Variants in MMP16 observed in about 807,000 individuals in gnomAD.
MMP16 encodes the protein matrix metallopeptidase 16, also known as matrix metalloproteinase-16.
A neutral mutation model predicts 67.8 loss-of-function variants in MMP16; 12 were observed. The observed-to-expected ratio is 0.18, with a 90% confidence interval of 0.11 to 0.29. MMP16 has a LOEUF of 0.29. Among genes scored for constraint, MMP16 ranks in the 10% least tolerant of loss-of-function variants. The pLI is 1.00. For missense variants in MMP16, 475 were observed against 765.7 expected (o/e 0.62, Z 4.48); for synonymous variants, 249 against 255.9 (o/e 0.97, Z 0.26).
At chr8:88,042,216 C>T (rs1454429570) in intron 9 of MMP16, among the ~76,000 whole-genome samples, 1 of 152,206 alleles carries the variant, frequency 6.6e-6, no homozygotes, top group Non-Finnish European at 1.5e-5. Flanking sequence ...TGTTTACCCT[C>T]AGGCTGTTAC....
chr8:88,053,798 T>C (rs1338451997), intron 8 of MMP16, among the ~76,000 whole-genome samples: 1 of 152,144 alleles, frequency 6.6e-6, no homozygotes. Context: ...ACTCATGACA[T>C]CTTACATAAG....
At position 88,033,014 on chromosome 8, in the gene MMP16, C is replaced by T. The variant is rs996098221; in HGVS notation, c.*8447G>A. On this transcript the variant is annotated 3_prime_UTR_variant, in exon 10 of 10. Coordinates refer to ENST00000286614, the MANE Select transcript of MMP16 (RefSeq NM_005941.5). Reference sequence around the variant, plus strand: ...GATAATGGCCTAAATATTTAATTTCCTGGCGTTTCTCTCTGCTTCACAGTT... The same window carrying T: ...GATAATGGCCTAAATATTTAATTTCTTGGCGTTTCTCTCTGCTTCACAGTT... 20 of 151,940 alleles carry T rather than the reference C, an allele frequency of 1.3e-4. No individual in the cohort carries two copies. Among genetic ancestry groups the T allele is most frequent in the South Asian group, 2.1e-4 (1 of 4,822 alleles). The allele number at this position is 151,940 out of a possible 1,614,324, so 9.4% of individuals were successfully genotyped here. A position where few individuals can be genotyped will look rare whatever the true frequency, so the allele number is the denominator to read the frequency against.
In MMP16 at chr8:88,226,276, T is replaced by A. The variant is rs149647236; in HGVS notation, c.133-28970A>T. ...TCCTCCTAGATTCTGACTGTAAGTA[T>A]ATTGAATAGACTTATTAATTTTGGT... On this transcript the variant is annotated intron_variant, in intron 1 of 9. Coordinates refer to ENST00000286614, the MANE Select transcript of MMP16 (RefSeq NM_005941.5). Among the ~76,000 whole-genome samples the A allele has an allele frequency of 1.4e-3, 212 of 152,216 alleles. 1 individual carries two copies. Among genetic ancestry groups the A allele is most frequent in the African/African-American group, 4.9e-3 (205 of 41,560 alleles).
intron 1 of MMP16, among the ~76,000 whole-genome samples, chr8:88,323,522 A>C (rs1309907307): frequency 6.6e-6 from 1 of 152,110 alleles, no homozygotes; most frequent in Admixed American, 6.6e-5. Context: ...CCTTATCAAG[A>C]CTTTTTTTGT....
At chr8:88,047,819 A>G (rs367595180) in intron 8 of MMP16, among the ~76,000 whole-genome samples, 3 of 152,332 alleles carry the variant, frequency 2.0e-5, no homozygotes, top group East Asian at 1.9e-4. Context: ...AAAAGAATAC[A>G]CTGGCTGCTA....
intron 4 of MMP16, among the ~76,000 whole-genome samples, chr8:88,162,415 C>G (rs1808642437): frequency 6.6e-6 from 1 of 151,970 alleles, no homozygotes; most frequent in Non-Finnish European, 1.5e-5. Flanking sequence ...AGTTCGTTCT[C>G]CAGTTTTAAA....
At chr8:88,099,730 ATTAG>A (rs1809102353) in intron 6 of MMP16, among the ~76,000 whole-genome samples, 1 of 151,892 alleles carries the variant, frequency 6.6e-6, no homozygotes, top group African/African-American at 2.4e-5. Flanking sequence ...GGGATACCTC[ATTAG>A]TTAAAGTATC....
chr8:88,242,894 GTTAT>G (rs1213109957), intron 1 of MMP16, among the ~76,000 whole-genome samples: 2 of 152,132 alleles, frequency 1.3e-5, no homozygotes, highest in Admixed American at 1.3e-4. Context: ...AGGGAAGAGT[GTTAT>G]TTGTTAGCAT....
rs757055461 is a variant in MMP16, at chr8:88,116,491, A to G, written c.1083+16T>C. 1 of 1,606,912 alleles carries G rather than the reference A, an allele frequency of 6.2e-7. No individual in the cohort carries two copies. The highest frequency in any genetic ancestry group is 8.5e-7 in the Non-Finnish European group (1 of 1,175,816). ...CTTGATCTACTGTTAAAAAAAAAAA[A>G]ATCACAGTCTCCTACCTTGAAAACA... is the stretch of plus-strand genomic sequence containing the variant. On this transcript the variant is annotated intron_variant, in intron 6 of 9. Transcript: ENST00000286614.
In MMP16 at chr8:88,039,634, T is replaced by C. The variant is rs1808104886; in HGVS notation, c.*1827A>G. On this transcript the variant is annotated 3_prime_UTR_variant, in exon 10 of 10. Transcript: ENST00000286614. This position sits in a 1 kb window ranked among gnomAD's most constrained non-coding sequence, Gnocchi z 4.5. ...AATCAAGTTCAAGGCAAGCTGTTCA[T>C]TGTTTCAAAAGCTAATCCCCTCAAA... 1 of 152,650 alleles carries C rather than the reference T, an allele frequency of 6.6e-6. No homozygotes were observed. Among genetic ancestry groups the C allele is most frequent in the Non-Finnish European group, 1.5e-5 (1 of 68,054 alleles). 9.5% of individuals were successfully genotyped at this position (152,650 alleles called of 1,614,324 possible). A position where few individuals can be genotyped will look rare whatever the true frequency, so the allele number is the denominator to read the frequency against.
At chr8:88,298,207 G>A (rs901200229) in intron 1 of MMP16, among the ~76,000 whole-genome samples, 2 of 152,132 alleles carry the variant, frequency 1.3e-5, no homozygotes, top group Non-Finnish European at 2.9e-5. Flanking sequence ...CTTTGAGTAC[G>A]TTCAGTTAAA....
At position 88,312,391 on chromosome 8, in the gene MMP16, G is replaced by A. The variant is rs189081011; in HGVS notation, c.132+14684C>T. Among the ~76,000 whole-genome samples the A allele has an allele frequency of 8.5e-5, 13 of 152,142 alleles. No homozygotes were observed. The East Asian group carries it at 2.5e-3, about 29-fold the overall frequency. Reference sequence around the variant, plus strand: ...GGCTACAGCATACATGTAACTACCAGCAGTTATCATTATTAGGTTGGTTAC... The same window carrying A: ...GGCTACAGCATACATGTAACTACCAACAGTTATCATTATTAGGTTGGTTAC... On this transcript the variant is annotated intron_variant, in intron 1 of 9. Transcript: ENST00000286614.
intron 6 of MMP16, among the ~76,000 whole-genome samples, chr8:88,107,624 T>C (rs532113461): frequency 3.7e-4 from 56 of 151,352 alleles, no homozygotes; most frequent in Admixed American, 3.6e-3. Context: ...TACATCTTTC[T>C]ATTTATCAAA....
Position 88,220,534 on chromosome 8 carries a change from CT to C in MMP16, c.133-23229del, listed in dbSNP as rs34093457. ...ACATTCAGATTGTATGTGTGCATGA[CT>C]TTTTTTTTTTTAGTCTGAACATAGG... On this transcript the variant is annotated intron_variant, in intron 1 of 9. Transcript: ENST00000286614. 3.6e-3 allele frequency among the ~76,000 whole-genome samples: 533 copies of C among 146,522 alleles called. 1 individual carries two copies. Among genetic ancestry groups the C allele is most frequent in the Middle Eastern group, 7.1e-3 (2 of 282 alleles).
chr8:88,045,322 T>A (rs1286135848), intron 9 of MMP16, among the ~76,000 whole-genome samples: 1 of 152,108 alleles, frequency 6.6e-6, no homozygotes, highest in Non-Finnish European at 1.5e-5. Context: ...AAGTTTATAC[T>A]AGTATAGAGT....
At chr8:88,100,675 C>T (rs1008876683) in intron 6 of MMP16, among the ~76,000 whole-genome samples, 14 of 151,920 alleles carry the variant, frequency 9.2e-5, no homozygotes, top group African/African-American at 2.9e-4. Context: ...GACACCTGCA[C>T]ATGTATGTTT....
chr8:88,172,269 C>A lies in MMP16; in HGVS notation c.405-4296G>T, dbSNP rs569268716. ...CAATTTAGATGATTAAAATTACTAACTTTTTATAACACATACAATGTAGTG... is the reference window on the plus strand; with the variant it reads ...CAATTTAGATGATTAAAATTACTAAATTTTTATAACACATACAATGTAGTG... On this transcript the variant is annotated intron_variant, in intron 3 of 9. Transcript: ENST00000286614. 9.9e-5 allele frequency among the ~76,000 whole-genome samples: 15 copies of A among 152,138 alleles called. No individual in the cohort carries two copies. In the South Asian group the frequency reaches 2.9e-3, roughly 29 times the overall value.
At chr8:88,105,747 A>T (rs1222358703) in intron 6 of MMP16, among the ~76,000 whole-genome samples, 2 of 151,390 alleles carry the variant, frequency 1.3e-5, no homozygotes, top group Non-Finnish European at 3.0e-5. Context: ...ATTAATGCCA[A>T]CAATAGTATT....
chr8:88,304,123 A>G (rs980580268), intron 1 of MMP16, among the ~76,000 whole-genome samples: 9 of 152,344 alleles, frequency 5.9e-5, no homozygotes, highest in African/African-American at 2.2e-4. Context: ...TGGAGCTGAA[A>G]AACACAACAT....
Sources: gnomAD v4.1 joint callset for allele counts (sites outside exome capture counted in the v4.1 genomes callset) on GRCh38, gnomAD v4.1.1 for gene constraint, Gnocchi (gnomAD v3.1) non-coding constraint, MANE v1.5 for transcripts, NCBI Gene and HGNC (gene_info 2026-07-23, HGNC 2026-07-21) for gene names.